SCN11A: variants seen among roughly 807,000 people sequenced by gnomAD.
SCN11A encodes sodium channel protein type 11 subunit alpha.
In SCN11A, 122 loss-of-function variants were observed where a neutral mutation model predicts 162.2. That is an observed-to-expected ratio of 0.75 (90% CI 0.65 to 0.87). The LOEUF is 0.87. Among genes scored for constraint, SCN11A ranks in the 40% least tolerant of loss-of-function variants. The probability of loss-of-function intolerance (pLI) is 0.00; values close to 1 mark genes in which losing one functional copy is unlikely to be tolerated. For missense variants in SCN11A, 2,015 were observed against 2,181.6 expected, an observed-to-expected ratio of 0.92 and a Z score of 1.52; for synonymous variants, 758 against 751.5, an observed-to-expected ratio of 1.01 and a Z score of -0.14.
At chr3:39,043,862 G>A (rs1232830646) in intron 1 of SCN11A, among the ~76,000 whole-genome samples, 4 of 151,972 alleles carry the variant, frequency 2.6e-5, no homozygotes, top group Non-Finnish European at 5.9e-5. Context: ...AAGGATAAAT[G>A]CAAAAAAAGA....
At chr3:39,030,498 CATGAGT>C (rs1300021766) in intron 2 of SCN11A, among the ~76,000 whole-genome samples, 1 of 152,194 alleles carries the variant, frequency 6.6e-6, no homozygotes, top group East Asian at 1.9e-4. Flanking sequence ...CCCTGGGATA[CATGAGT>C]GACTTTATGG....
intron 1 of SCN11A, among the ~76,000 whole-genome samples, chr3:39,049,105 T>C (rs2032257070): frequency 6.6e-6 from 1 of 152,206 alleles, no homozygotes; most frequent in Non-Finnish European, 1.5e-5. Context: ...ATTTTGCAGA[T>C]GGTTAAACAG....
At chr3:38,869,552 T>G (rs1037100950) in intron 26 of SCN11A, among the ~76,000 whole-genome samples, 3 of 152,150 alleles carry the variant, frequency 2.0e-5, no homozygotes, top group Non-Finnish European at 4.4e-5. Flanking sequence ...AAACTCAGAT[T>G]TGTTGCTATG....
intron 1 of SCN11A, among the ~76,000 whole-genome samples, chr3:39,047,904 G>A (rs112662914): frequency 0.029 from 4,398 of 152,222 alleles, 215 homozygotes; most frequent in African/African-American, 0.1. Context: ...CAGAGAAAAG[G>A]GAATTCATAC....
chr3:38,871,803 T>A (rs1235981230), intron 24 of SCN11A, 95 bp from the exon 25 acceptor site: 1 of 1,027,242 alleles, frequency 9.7e-7, no homozygotes, highest in Non-Finnish European at 1.4e-6. Context: ...CAGGGCTTGA[T>A]CTCTTGGAGC....
chr3:38,926,846 G>A lies in SCN11A; in HGVS notation c.574C>T (p.Arg192Ter), dbSNP rs747189580. ...GFILDEFSFL[R>*]DPWNWLDSIV... is the part of the protein sequence containing the mutation. ...GAGTCCAGCCAGTTCCATGGATCTC[G>A]AAGGAAAGAAAACTCATCCAGAATG... Residue 192 changes from arginine to a stop codon, truncating the protein, a stop_gained, in exon 8 of 30, where the codon CGA becomes TGA. Transcript: ENST00000302328. LOFTEE classifies it high-confidence loss of function. 18 of 1,613,232 alleles carry A rather than the reference G, an allele frequency of 1.1e-5. No individual in the cohort carries two copies. The highest frequency in any genetic ancestry group is 5.0e-5 in the Admixed American group (3 of 59,988).
rs186698829 is a variant in SCN11A at position 38,847,415 on chromosome 3, C to A, written c.4655G>T (p.Gly1552Val). Residue 1552 changes from glycine (G) to valine (V), a missense_variant, in exon 30 of 30, where the codon GGT (glycine) becomes GTT (valine). By Grantham distance (109) the Gly-to-Val change is moderately radical. Coordinates refer to ENST00000302328, the MANE Select transcript of SCN11A (RefSeq NM_001349253.2). The part of the protein sequence containing the change: ...LCLFQISTSA[G>V]WDSLLSPMLR... ...CATGGGGCTGAGCAGGGAATCCCAA[C>A]CTGCTGATGTGCTTATCTGGAAGAG... 1 of 1,614,164 alleles carries A rather than the reference C, an allele frequency of 6.2e-7. No homozygotes were observed. Among genetic ancestry groups the A allele is most frequent in the East Asian group, 2.2e-5 (1 of 44,880 alleles).
intron 2 of SCN11A, among the ~76,000 whole-genome samples, chr3:39,002,312 C>G (rs189937070): frequency 5.3e-5 from 8 of 152,246 alleles, no homozygotes; most frequent in Non-Finnish European, 8.8e-5. Flanking sequence ...TAATATGACC[C>G]ACAACCAGTG....
chr3:38,887,950 CAT>C (rs2065430965), intron 19 of SCN11A, among the ~76,000 whole-genome samples: 1 of 152,078 alleles, frequency 6.6e-6, no homozygotes. Context: ...ACCTCACAAA[CAT>C]ACACATACAA....
At chr3:38,925,844 A>G (rs1292526662) in intron 8 of SCN11A, among the ~76,000 whole-genome samples, 1 of 152,240 alleles carries the variant, frequency 6.6e-6, no homozygotes, top group Non-Finnish European at 1.5e-5. Flanking sequence ...GCCCCAAGGC[A>G]CTTCACTAAA....
intron 3 of SCN11A, among the ~76,000 whole-genome samples, chr3:38,957,387 AG>A (rs896541528): frequency 7.2e-5 from 11 of 152,320 alleles, no homozygotes; most frequent in African/African-American, 2.6e-4. Flanking sequence ...AAAATCCTTC[AG>A]GGGATGAAAA....
At chr3:39,035,391 C>CAT (rs1218088152) in intron 1 of SCN11A, among the ~76,000 whole-genome samples, 1 of 152,094 alleles carries the variant, frequency 6.6e-6, no homozygotes, top group Non-Finnish European at 1.5e-5. Context: ...ACTGGATATC[C>CAT]ATATGCAAAA....
At chr3:38,974,644 A>T (rs1405812419) in intron 2 of SCN11A, among the ~76,000 whole-genome samples, 6 of 148,666 alleles carry the variant, frequency 4.0e-5, no homozygotes, top group Non-Finnish European at 7.4e-5. Context: ...GCAGTGAGCC[A>T]AGATCGCGCC....
rs763315846 is a variant in SCN11A, at chr3:38,900,027, G to A, written c.1889C>T (p.Ala630Val). The change falls in exon 17 of 30, where the codon GCG becomes GTG. Residue 630 changes from alanine (A) to valine (V), a missense_variant. Coordinates refer to ENST00000302328, the MANE Select transcript of SCN11A (RefSeq NM_001349253.2). ...GCGAAAGTAGTGGTAGGGATCGAGCGCAATGATTTTTAGGCACATTTCTGC... is the reference window on the plus strand; with the variant it reads ...GCGAAAGTAGTGGTAGGGATCGAGCACAATGATTTTTAGGCACATTTCTGC... ...FIAEMCLKII[A>V]LDPYHYFRRG... The A allele has an allele frequency of 2.3e-5, 37 of 1,613,874 alleles. No individual in the cohort carries two copies. In the South Asian group the frequency reaches 2.6e-4, roughly 11 times the overall value.
Position 38,878,051 on chromosome 3 carries a change from A to G in SCN11A, c.3393+1899T>C, listed in dbSNP as rs148557147. ...ATGAGGGTGTGAGGGATAAAAGACT[A>G]CATTAGGTACAGTGTACACTGATCG... is the stretch of plus-strand genomic sequence containing the variant. On this transcript the variant is annotated intron_variant, in intron 23 of 29. Coordinates refer to ENST00000302328, the MANE Select transcript of SCN11A (RefSeq NM_001349253.2). Among the ~76,000 whole-genome samples, 476 of 151,908 alleles carry G rather than the reference A, an allele frequency of 3.1e-3. 1 individual carries two copies. The highest frequency in any genetic ancestry group is 0.011 in the African/African-American group (447 of 41,446).
intron 2 of SCN11A, among the ~76,000 whole-genome samples, chr3:39,019,341 T>C (rs2031382898): frequency 6.6e-6 from 1 of 152,048 alleles, no homozygotes; most frequent in East Asian, 1.9e-4. Flanking sequence ...ACCCTTTTGA[T>C]TGCACCTCCA....
intron 2 of SCN11A, among the ~76,000 whole-genome samples, chr3:39,030,121 C>T (rs1372771449): frequency 2.0e-5 from 3 of 152,160 alleles, no homozygotes; most frequent in African/African-American, 4.8e-5. Context: ...AGTGAAAGCT[C>T]AAGCTCACTG....
chr3:38,951,709 G>A (rs1417569352), intron 4 of SCN11A, among the ~76,000 whole-genome samples: 3 of 152,242 alleles, frequency 2.0e-5, no homozygotes, highest in Non-Finnish European at 4.4e-5. Flanking sequence ...GTTTGTGAGT[G>A]CACCAATCGA....
At chr3:38,912,976 T>G (rs937461427) in intron 11 of SCN11A, among the ~76,000 whole-genome samples, 2 of 152,182 alleles carry the variant, frequency 1.3e-5, no homozygotes, top group Non-Finnish European at 2.9e-5. Context: ...ATGATTTATA[T>G]TCCTCTGGGT....
Sources: gnomAD v4.1 joint callset for allele counts (sites outside exome capture counted in the v4.1 genomes callset) on GRCh38, gnomAD v4.1.1 for gene constraint, MANE v1.5 for transcripts, NCBI Gene and HGNC (gene_info 2026-07-23, HGNC 2026-07-21) for gene names.